The following BCS1L variants were observed in gnomAD, a reference collection of about 807,000 sequenced individuals.
BCS1L encodes the protein BCS1 ubiquinol-cytochrome c reductase complex chaperone.
A neutral mutation model predicts 49.3 loss-of-function variants in BCS1L; 38 were observed. The observed-to-expected ratio is 0.77, with a 90% CI of 0.59 to 1.01. The LOEUF (loss-of-function observed/expected upper bound fraction) is 1.01. BCS1L is among the 50% of genes least tolerant of loss of function. BCS1L has a pLI of 0.00. For synonymous variants in BCS1L, 193 were observed against 210.1 expected (o/e 0.92, Z 0.70); for missense variants, 394 against 540.2 (o/e 0.73, Z 2.68).
chr2:218,662,689 G>A lies in BCS1L; in HGVS notation c.889+10G>A. The A allele has an allele frequency of 6.2e-7, 1 of 1,614,062 alleles. No individual in the cohort carries two copies. The highest frequency in any genetic ancestry group is 1.1e-5 in the South Asian group (1 of 91,078). On this transcript the variant is annotated intron_variant, in intron 6 of 7. Transcript: ENST00000359273. The surrounding 1 kb of genome is among the most constrained non-coding windows in gnomAD (Gnocchi z 5.8). Reference sequence around the variant, plus strand: ...GACTTGGCTGTGGAGAGTAAGTGAGGGGTTCTGGAGGAAGTGGAGTGGGTA... The same window carrying A: ...GACTTGGCTGTGGAGAGTAAGTGAGAGGTTCTGGAGGAAGTGGAGTGGGTA...
chr2:218,662,769 G>T lies in BCS1L; in HGVS notation c.889+90G>T. On this transcript the variant is annotated intron_variant, in intron 6 of 7. Transcript: ENST00000359273. The surrounding 1 kb of genome is among the most constrained non-coding windows in gnomAD (Gnocchi z 5.8). ...CCAGAGGGCTGGTGGAAGATGCCTGGGTTAGTGACAAGAGCCCACAAGACA... is the reference window on the plus strand; with the variant it reads ...CCAGAGGGCTGGTGGAAGATGCCTGTGTTAGTGACAAGAGCCCACAAGACA... The T allele has an allele frequency of 1.9e-6, 3 of 1,604,168 alleles. No individual in the cohort carries two copies. The highest frequency in any genetic ancestry group is 2.6e-6 in the Non-Finnish European group (3 of 1,171,616).
In BCS1L at chr2:218,662,551, T is replaced by C; in HGVS notation, c.761T>C (p.Leu254Pro). The change falls in exon 6 of 8, where the codon CTG (leucine) becomes CCG (proline). Residue 254 changes from leucine to proline, a missense_variant. Transcript: ENST00000359273. The surrounding 1 kb of genome is among the most constrained non-coding windows in gnomAD (Gnocchi z 5.8). Reference sequence around the variant, plus strand: ...GAACTGGAGCACAGCATCTGCCTGCTGAGCCTCACGGACTCCAGCCTCTCT... The same window carrying C: ...GAACTGGAGCACAGCATCTGCCTGCCGAGCCTCACGGACTCCAGCCTCTCT... ...AGELEHSICL[L>P]SLTDSSLSDD... 1 of 1,614,168 alleles carries C rather than the reference T, an allele frequency of 6.2e-7. No individual in the cohort carries two copies. The highest frequency in any genetic ancestry group is 8.5e-7 in the Non-Finnish European group (1 of 1,180,042).
Position 218,663,422 on chromosome 2 carries a change from T to C in BCS1L, c.*36T>C, listed in dbSNP as rs780565806. 6.2e-7 allele frequency: 1 copy of C among 1,612,582 alleles called. No individual in the cohort carries two copies. Among genetic ancestry groups the C allele is most frequent in the Admixed American group, 1.7e-5 (1 of 60,016 alleles). On this transcript the variant is annotated 3_prime_UTR_variant, in exon 8 of 8. Coordinates refer to ENST00000359273, the MANE Select transcript of BCS1L (RefSeq NM_001079866.2). ...CTCAGCTCAGCTCTCCTCCTCTAGC[T>C]CAATAAACATCTGCCACACTACTCT...
chr2:218,662,132 G>A lies in BCS1L; in HGVS notation c.656-65G>A, dbSNP rs951549102. Reference sequence around the variant, plus strand: ...ACCAAGGTTATCAGGCTTCCAGGGGGCAGGGCTGGGAATGAACGTAGATAT... The same window carrying A: ...ACCAAGGTTATCAGGCTTCCAGGGGACAGGGCTGGGAATGAACGTAGATAT... On this transcript the variant is annotated intron_variant, in intron 4 of 7. Transcript: ENST00000359273. The surrounding 1 kb of genome is among the most constrained non-coding windows in gnomAD (Gnocchi z 5.8). 4 of 1,551,806 alleles carry A rather than the reference G, an allele frequency of 2.6e-6. No homozygotes were observed. The highest frequency in any genetic ancestry group is 4.5e-5 in the East Asian group (2 of 44,564).
upstream of BCS1L, chr2:218,659,561 C>T (rs1939074667): frequency 6.6e-6 from 1 of 152,348 alleles, no homozygotes; most frequent in African/African-American, 2.4e-5. This position sits in a 1 kb window ranked among gnomAD's most constrained non-coding sequence, Gnocchi z 4.4. Flanking sequence ...TTCCCGCCCT[C>T]CACCCCCACT....
intron 1 of BCS1L, chr2:218,660,030 C>G (rs564613166): frequency 6.6e-6 from 1 of 152,194 alleles, no homozygotes; most frequent in Non-Finnish European, 1.5e-5. Flanking sequence ...TTGCTCTTGT[C>G]CCTCAGGATC....
rs938561046 is a variant in BCS1L at position 218,660,924 on chromosome 2, G to C, written c.-49-15G>C. The stretch of plus-strand genomic sequence containing the variant: ...ATCTGTGCTTTGTCCCATCTCCACT[G>C]TTCCCCACCCCTAGGTTTTCGTAAC... On this transcript the variant is annotated splice_polypyrimidine_tract_variant and intron_variant, in intron 1 of 7. Transcript: ENST00000359273. 3 of 1,575,626 alleles carry C rather than the reference G, an allele frequency of 1.9e-6. No homozygotes were observed. The highest frequency in any genetic ancestry group is 3.3e-5 in the Admixed American group (2 of 59,956).
Position 218,662,545 on chromosome 2 carries a change from G to A in BCS1L, c.755G>A (p.Cys252Tyr), listed in dbSNP as rs1165110929. 1.2e-6 allele frequency: 2 copies of A among 1,614,118 alleles called. No individual in the cohort carries two copies. Among genetic ancestry groups the A allele is most frequent in the Admixed American group, 3.3e-5 (2 of 60,020 alleles). Residue 252 changes from cysteine (C) to tyrosine (Y), a missense_variant, in exon 6 of 8, where the codon TGC becomes TAC. Coordinates refer to ENST00000359273, the MANE Select transcript of BCS1L (RefSeq NM_001079866.2). This position sits in a 1 kb window ranked among gnomAD's most constrained non-coding sequence, Gnocchi z 5.8. Reference protein sequence around the residue: ...ALAGELEHSICLLSLTDSSLS... With the variant: ...ALAGELEHSIYLLSLTDSSLS... ...GCTGGGGAACTGGAGCACAGCATCTGCCTGCTGAGCCTCACGGACTCCAGC... is the reference window on the plus strand; with the variant it reads ...GCTGGGGAACTGGAGCACAGCATCTACCTGCTGAGCCTCACGGACTCCAGC...
intron 1 of BCS1L, chr2:218,660,395 T>C (rs1017286562): frequency 6.2e-6 from 1 of 160,652 alleles, no homozygotes; most frequent in African/African-American, 2.4e-5. Flanking sequence ...ATCTGGACCC[T>C]TGTGTAGATG....
At position 218,659,959 on chromosome 2, in the gene BCS1L, C is replaced by G. The variant is rs1348449304; in HGVS notation, c.-50+216C>G. 6.6e-6 allele frequency: 1 copy of G among 152,268 alleles called. No individual in the cohort carries two copies. The highest frequency in any genetic ancestry group is 1.5e-5 in the Non-Finnish European group (1 of 68,134). The allele number at this position is 152,268 out of a possible 1,614,324, so 9.4% of individuals were successfully genotyped here. On this transcript the variant is annotated intron_variant, in intron 1 of 7. Transcript: ENST00000359273. This position sits in a 1 kb window ranked among gnomAD's most constrained non-coding sequence, Gnocchi z 4.4. ...TGCTGTCAGCTCACCTCCCTGCATG[C>G]CAGGCGCAGGGCAAAGTGGCCGGGG... is the stretch of plus-strand genomic sequence containing the variant.
Position 218,661,559 on chromosome 2 carries a change from C to T in BCS1L, c.460+14C>T. The T allele has an allele frequency of 3.7e-6, 6 of 1,614,014 alleles. No individual in the cohort carries two copies. The highest frequency in any genetic ancestry group is 5.1e-6 in the Non-Finnish European group (6 of 1,179,996). ...TCCTGGAGGAAGGTGTGGGATGGCA[C>T]AGGCAGGCTTTCTAGGGACATTGCA... On this transcript the variant is annotated intron_variant, in intron 3 of 7. Coordinates refer to ENST00000359273, the MANE Select transcript of BCS1L (RefSeq NM_001079866.2). The surrounding 1 kb of genome is among the most constrained non-coding windows in gnomAD (Gnocchi z 5.9).
rs988837836 is a variant in BCS1L at position 218,661,041 on chromosome 2, T to C, written c.54T>C (p.Ala18=). 10 of 1,614,156 alleles carry C rather than the reference T, an allele frequency of 6.2e-6. No homozygotes were observed. The highest frequency in any genetic ancestry group is 8.5e-6 in the Non-Finnish European group (10 of 1,180,032). The change falls in exon 2 of 8, where the codon GCT becomes GCC. Residue 18 remains alanine, a synonymous_variant. Transcript: ENST00000359273. This position sits in a 1 kb window ranked among gnomAD's most constrained non-coding sequence, Gnocchi z 5.9. ...LALKDNPYFG[A]GFGLVGVGTA... is the part of the protein sequence containing the mutation. ...TGAAGGACAATCCCTACTTTGGGGC[T>C]GGATTTGGGCTGGTGGGTGTGGGCA...
In BCS1L at chr2:218,661,426, G is replaced by A. The variant is rs752688266; in HGVS notation, c.341G>A (p.Arg114Gln). ...HFIWYRGKWIRVERSREMQMI... is the reference protein window; with the variant it reads ...HFIWYRGKWIQVERSREMQMI... ...TTCAGGTATCGGGGGAAATGGATTC[G>A]GGTAGAACGAAGTCGAGAGATGCAG... The change falls in exon 3 of 8, where the codon CGG (arginine) becomes CAG (glutamine). Residue 114 changes from arginine to glutamine, a missense_variant. Coordinates refer to ENST00000359273, the MANE Select transcript of BCS1L (RefSeq NM_001079866.2). The surrounding 1 kb of genome is among the most constrained non-coding windows in gnomAD (Gnocchi z 5.9). The A allele has an allele frequency of 3.7e-6, 6 of 1,614,188 alleles. No individual in the cohort carries two copies. Among genetic ancestry groups the A allele is most frequent in the South Asian group, 1.1e-5 (1 of 91,080 alleles).
intron 7 of BCS1L, 22 bp from the exon 8 acceptor site, chr2:218,663,112 T>G: frequency 6.2e-7 from 1 of 1,614,198 alleles, no homozygotes; most frequent in Non-Finnish European, 8.5e-7. Context: ...TAGTGTGACC[T>G]GCTTTCCCTG....
chr2:218,660,406 TTC>T, intron 1 of BCS1L: 4 of 159,330 alleles, frequency 2.5e-5, no homozygotes, highest in Non-Finnish European at 4.2e-5. Context: ...TGTGTAGATG[TTC>T]CGTGAAGCAG....
Position 218,661,574 on chromosome 2 carries a change from G to A in BCS1L, c.460+29G>A, listed in dbSNP as rs766516213. 6.2e-7 allele frequency: 1 copy of A among 1,613,566 alleles called. No homozygotes were observed. Among genetic ancestry groups the A allele is most frequent in the Non-Finnish European group, 8.5e-7 (1 of 1,179,828 alleles). On this transcript the variant is annotated intron_variant, in intron 3 of 7. Coordinates refer to ENST00000359273, the MANE Select transcript of BCS1L (RefSeq NM_001079866.2). The surrounding 1 kb of genome is among the most constrained non-coding windows in gnomAD (Gnocchi z 5.9). ...TGGGATGGCACAGGCAGGCTTTCTA[G>A]GGACATTGCAGGGATGGGGACATTT...
At position 218,662,587 on chromosome 2, in the gene BCS1L, T is replaced by A. The variant is rs769481158; in HGVS notation, c.797T>A (p.Leu266His). ...LTDSSLSDDR[L>H]NHLLSVAPQQ... ...GACTCCAGCCTCTCTGATGACCGAC[T>A]CAACCACCTGCTGAGCGTGGCCCCG... Residue 266 changes from leucine (L) to histidine (H), a missense_variant, in exon 6 of 8, where the codon CTC becomes CAC. Transcript: ENST00000359273. The surrounding 1 kb of genome is among the most constrained non-coding windows in gnomAD (Gnocchi z 5.8). The A allele has an allele frequency of 1.2e-6, 2 of 1,614,088 alleles. No individual in the cohort carries two copies. The highest frequency in any genetic ancestry group is 1.7e-6 in the Non-Finnish European group (2 of 1,180,054).
chr2:218,663,044 C>CGGAGG (rs1357759764), intron 7 of BCS1L, 44 bp downstream of exon 7: 3 of 1,613,498 alleles, frequency 1.9e-6, no homozygotes, highest in Non-Finnish European at 2.5e-6. Context: ...AAGAGCCCAC[C>CGGAGG]TCCTCCCCTA....
In BCS1L at chr2:218,663,275, T is replaced by C. The variant is rs1479475784; in HGVS notation, c.1149T>C (p.His383=). 6.2e-7 allele frequency: 1 copy of C among 1,614,204 alleles called. No homozygotes were observed. Among genetic ancestry groups the C allele is most frequent in the Admixed American group, 1.7e-5 (1 of 60,026 alleles). Residue 383 remains histidine (H), a synonymous_variant, in exon 8 of 8, where the codon CAT becomes CAC. Transcript: ENST00000359273. ...APSLAENFAE[H]VLRATNQISP... ...CCTTAGCTGAGAACTTTGCAGAACA[T>C]GTCCTTCGAGCTACAAACCAGATCA...
Sources: allele counts gnomAD v4.1 joint callset, GRCh38; gene constraint gnomAD v4.1.1; non-coding constraint Gnocchi (gnomAD v3.1); transcripts MANE v1.5; gene names NCBI Gene and HGNC (gene_info 2026-07-23, HGNC 2026-07-21).